The following PCDHGA11 variants were observed in gnomAD, a reference collection of about 807,000 sequenced individuals.
PCDHGA11 encodes the protein protocadherin gamma-A11.
PCDHGA11 carries 39 observed loss-of-function variants against 60.4 expected under a neutral mutation model. The observed-to-expected ratio is 0.65, with a 90% CI of 0.50 to 0.84. The LOEUF is 0.84. Among genes scored for constraint, PCDHGA11 ranks in the 40% least tolerant of loss-of-function variants. PCDHGA11 has a pLI of 0.00. For missense variants in PCDHGA11, 1,165 were observed against 1,197.7 expected, an observed-to-expected ratio of 0.97 and a Z score of 0.40; for synonymous variants, 533 against 510.3, an observed-to-expected ratio of 1.04 and a Z score of -0.60.
At chr5:141,500,672 C>A (rs2099801937) in intron 2 of PCDHGA11, among the ~76,000 whole-genome samples, 1 of 152,156 alleles carries the variant, frequency 6.6e-6, no homozygotes, top group South Asian at 2.1e-4. Context: ...TACTGTCCAA[C>A]AGAATTATAG....
At position 141,485,301 on chromosome 5, in the gene PCDHGA11, C is replaced by T; in HGVS notation, c.2434-9506C>T. 1 of 1,614,124 alleles carries T rather than the reference C, an allele frequency of 6.2e-7. No homozygotes were observed. The highest frequency in any genetic ancestry group is 1.1e-5 in the South Asian group (1 of 91,082). The stretch of plus-strand genomic sequence containing the variant: ...GTCCCAGAGGAGTCACAGGAAGGGA[C>T]TTTTGTAGGGAATGTCGCTCAAGAT... On this transcript the variant is annotated intron_variant, in intron 1 of 3. Coordinates refer to ENST00000398587, the MANE Select transcript of PCDHGA11 (RefSeq NM_018914.3). This position sits in a 1 kb window ranked among gnomAD's most constrained non-coding sequence, Gnocchi z 5.7.
intron 1 of PCDHGA11, among the ~76,000 whole-genome samples, chr5:141,460,763 T>A (rs904048213): frequency 4.6e-5 from 7 of 152,170 alleles, no homozygotes; most frequent in Admixed American, 1.3e-4. Context: ...ATATACATAT[T>A]GCATATGTAT....
rs769074023 is a variant in PCDHGA11, at chr5:141,491,738, G to A, written c.2434-3069G>A. ...GCGCCGCCCCGGGCGACCCCTGGGG[G>A]CGGCACTGGAGAAGCCGCCCGTCCT... On this transcript the variant is annotated intron_variant, in intron 1 of 3. Transcript: ENST00000398587. The surrounding 1 kb of genome is among the most constrained non-coding windows in gnomAD (Gnocchi z 6.9). 6.2e-7 allele frequency: 1 copy of A among 1,600,346 alleles called. No homozygotes were observed. The highest frequency in any genetic ancestry group is 8.5e-7 in the Non-Finnish European group (1 of 1,174,196).
rs375127524 is a variant in PCDHGA11, at chr5:141,490,702, C to G, written c.2434-4105C>G. ...AGATCCAGACACTGGGGATAATGCCCGCCTCACCTACTCCATTGTAGGAAA... is the reference window on the plus strand; with the variant it reads ...AGATCCAGACACTGGGGATAATGCCGGCCTCACCTACTCCATTGTAGGAAA... On this transcript the variant is annotated intron_variant, in intron 1 of 3. Coordinates refer to ENST00000398587, the MANE Select transcript of PCDHGA11 (RefSeq NM_018914.3). This position sits in a 1 kb window ranked among gnomAD's most constrained non-coding sequence, Gnocchi z 5.4. The G allele has an allele frequency of 1.2e-6, 2 of 1,614,060 alleles. No homozygotes were observed. Among genetic ancestry groups the G allele is most frequent in the Admixed American group, 1.7e-5 (1 of 60,008 alleles).
chr5:141,462,418 T>A (rs1187388192), intron 1 of PCDHGA11, among the ~76,000 whole-genome samples: 2 of 152,250 alleles, frequency 1.3e-5, no homozygotes, highest in African/African-American at 2.4e-5. Context: ...ATATGGTCTA[T>A]CTTGGTGAGT....
intron 1 of PCDHGA11, 90 bp downstream of exon 1, chr5:141,423,750 TGG>T (rs144521096): frequency 3.2e-4 from 92 of 287,850 alleles, no homozygotes; most frequent in South Asian, 5.2e-4. Context: ...GAAAACTGTT[TGG>T]GGGGGGGGTG....
Position 141,489,978 on chromosome 5 carries a change from T to C in PCDHGA11, c.2434-4829T>C. 6.2e-7 allele frequency: 1 copy of C among 1,614,192 alleles called. No homozygotes were observed. Among genetic ancestry groups the C allele is most frequent in the Non-Finnish European group, 8.5e-7 (1 of 1,180,012 alleles). On this transcript the variant is annotated intron_variant, in intron 1 of 3. Coordinates refer to ENST00000398587, the MANE Select transcript of PCDHGA11 (RefSeq NM_018914.3). The surrounding 1 kb of genome is among the most constrained non-coding windows in gnomAD (Gnocchi z 4.5). ...ATGCTCCAACCTTCCAATCCTCAGT[T>C]CTACGTGTGGGAATCCCAGAGAATG...
At chr5:141,474,419 A>AT (rs1348108901) in intron 1 of PCDHGA11, among the ~76,000 whole-genome samples, 1 of 152,204 alleles carries the variant, frequency 6.6e-6, no homozygotes, top group Non-Finnish European at 1.5e-5. Context: ...TGCCTAGACC[A>AT]TTGGTCCTCA....
chr5:141,431,607 A>G lies in PCDHGA11; in HGVS notation c.2433+7947A>G. ...GCGGAAGTGAGGTATTCCTTCCGGT[A>G]TGTGGACGACAAGGCGGCCCAAGTT... is the stretch of plus-strand genomic sequence containing the variant. On this transcript the variant is annotated intron_variant, in intron 1 of 3. Transcript: ENST00000398587. The surrounding 1 kb of genome is among the most constrained non-coding windows in gnomAD (Gnocchi z 4.8). 6.2e-7 allele frequency: 1 copy of G among 1,614,230 alleles called. No individual in the cohort carries two copies. Among genetic ancestry groups the G allele is most frequent in the Non-Finnish European group, 8.5e-7 (1 of 1,180,040 alleles).
chr5:141,433,283 T>A, intron 1 of PCDHGA11: 1 of 1,183,074 alleles, frequency 8.5e-7, no homozygotes, highest in Non-Finnish European at 1.2e-6. Flanking sequence ...AGCCTCAAAC[T>A]CCTAGGCTCA....
In PCDHGA11 at chr5:141,421,058, A is replaced by G; in HGVS notation, c.-170A>G. On this transcript the variant is annotated 5_prime_UTR_variant, in exon 1 of 4. Transcript: ENST00000398587. ...CCTCCCTCCCCCGCCTCTACCACAC[A>G]AAGCGGAATGAGATGGATACTCACA... is the stretch of plus-strand genomic sequence containing the variant. 2 of 577,316 alleles carry G rather than the reference A, an allele frequency of 3.5e-6. No homozygotes were observed. Among genetic ancestry groups the G allele is most frequent in the Non-Finnish European group, 3.0e-6 (1 of 338,666 alleles). 35.8% of individuals were successfully genotyped at this position (577,316 alleles called of 1,614,324 possible).
At position 141,511,127 on chromosome 5, in the gene PCDHGA11, G is replaced by C; in HGVS notation, c.2762G>C (p.Gly921Ala). 1 of 1,614,194 alleles carries C rather than the reference G, an allele frequency of 6.2e-7. No individual in the cohort carries two copies. Among genetic ancestry groups the C allele is most frequent in the Non-Finnish European group, 8.5e-7 (1 of 1,180,018 alleles). The change falls in exon 4 of 4, where the codon GGT becomes GCT. Residue 921 changes from glycine to alanine, a missense_variant. Coordinates refer to ENST00000398587, the MANE Select transcript of PCDHGA11 (RefSeq NM_018914.3). ...AGKRDGKAPA[G>A]GNGNKKKSGK... ...AAGCGGGATGGCAAGGCCCCAGCAG[G>C]TGGCAATGGCAACAAGAAGAAGTCG...
At position 141,423,219 on chromosome 5, in the gene PCDHGA11, T is replaced by C. The variant is rs775170753; in HGVS notation, c.1992T>C (p.Ala664=). 3 of 1,613,752 alleles carry C rather than the reference T, an allele frequency of 1.9e-6. No individual in the cohort carries two copies. The highest frequency in any genetic ancestry group is 1.7e-5 in the Admixed American group (1 of 60,024). Reference sequence around the variant, plus strand: ...CGGCCACCGTCACGCTCACCGTGGCTGTGGCCGACAGCATCCCCGAAGTCC... The same window carrying C: ...CGGCCACCGTCACGCTCACCGTGGCCGTGGCCGACAGCATCCCCGAAGTCC... ...PLSATVTLTV[A]VADSIPEVLA... is the part of the protein sequence containing the mutation. The change falls in exon 1 of 4, where the codon GCT becomes GCC. Residue 664 remains alanine (A), a synonymous_variant. Transcript: ENST00000398587.
intron 1 of PCDHGA11, among the ~76,000 whole-genome samples, chr5:141,474,266 G>A (rs1420620306): frequency 6.6e-6 from 1 of 152,186 alleles, no homozygotes; most frequent in Non-Finnish European, 1.5e-5. Context: ...ATAAACCAGT[G>A]TATCTCTGAA....
At chr5:141,494,223 C>T (rs1435042163) in intron 1 of PCDHGA11, among the ~76,000 whole-genome samples, 2 of 152,192 alleles carry the variant, frequency 1.3e-5, no homozygotes, top group African/African-American at 4.8e-5. Context: ...TGGCATGACT[C>T]CTAAATTAAT....
intron 1 of PCDHGA11, chr5:141,428,769 T>A (rs1367357065): frequency 6.5e-6 from 1 of 154,242 alleles, no homozygotes; most frequent in Non-Finnish European, 1.4e-5. Flanking sequence ...TTGCCCACTC[T>A]TAATATTTCC....
At position 141,476,015 on chromosome 5, in the gene PCDHGA11, C is replaced by A; in HGVS notation, c.2434-18792C>A. The A allele has an allele frequency of 7.4e-7, 1 of 1,344,728 alleles. No individual in the cohort carries two copies. The highest frequency in any genetic ancestry group is 1.0e-6 in the Non-Finnish European group (1 of 992,700). The allele number at this position is 1,344,728 out of a possible 1,614,324, so 83.3% of individuals were successfully genotyped here. A position where few individuals can be genotyped will look rare whatever the true frequency, so the allele number is the denominator to read the frequency against. ...ATCAACGGCATCCAGAAAGCCATGT[C>A]GGACTCGGCGCCCAGCGCCCAAGCG... On this transcript the variant is annotated intron_variant, in intron 1 of 3. Coordinates refer to ENST00000398587, the MANE Select transcript of PCDHGA11 (RefSeq NM_018914.3). This position sits in a 1 kb window ranked among gnomAD's most constrained non-coding sequence, Gnocchi z 7.6.
intron 1 of PCDHGA11, 32 bp downstream of exon 1, chr5:141,423,692 G>T: frequency 7.1e-7 from 1 of 1,405,756 alleles, no homozygotes; most frequent in Non-Finnish European, 9.4e-7. Context: ...CCTAATTGTT[G>T]GTGTCTTGGC....
At position 141,431,897 on chromosome 5, in the gene PCDHGA11, G is replaced by C. The variant is rs1591112104; in HGVS notation, c.2433+8237G>C. 6.2e-7 allele frequency: 1 copy of C among 1,613,830 alleles called. No homozygotes were observed. The highest frequency in any genetic ancestry group is 8.5e-7 in the Non-Finnish European group (1 of 1,179,704). ...AAATGACCAAGATTCTGAGGAAAAC[G>C]GACAGGTGATCTGTTTCATCCAAGG... On this transcript the variant is annotated intron_variant, in intron 1 of 3. Coordinates refer to ENST00000398587, the MANE Select transcript of PCDHGA11 (RefSeq NM_018914.3). The surrounding 1 kb of genome is among the most constrained non-coding windows in gnomAD (Gnocchi z 4.8).
Sources: gnomAD v4.1 joint callset for allele counts (sites outside exome capture counted in the v4.1 genomes callset) on GRCh38, gnomAD v4.1.1 for gene constraint, Gnocchi (gnomAD v3.1) non-coding constraint, MANE v1.5 for transcripts, NCBI Gene and HGNC (gene_info 2026-07-23, HGNC 2026-07-21) for gene names.